The following SAMMSON variants were observed in gnomAD, a reference collection of about 807,000 sequenced individuals.
SAMMSON encodes the protein survival associated mitochondrial melanoma specific oncogenic non-coding RNA.
intron 4 of SAMMSON, among the ~76,000 whole-genome samples, chr3:70,163,412 C>G (rs1038631453): frequency 2.0e-5 from 3 of 150,476 alleles, no homozygotes; most frequent in Admixed American, 6.7e-5. Context: ...CAATATGCAT[C>G]TTAATTTTAA....
intron 4 of SAMMSON, among the ~76,000 whole-genome samples, chr3:70,190,525 C>A (rs375175999): frequency 1.3e-5 from 2 of 152,234 alleles, no homozygotes; most frequent in African/African-American, 4.8e-5. Flanking sequence ...ACCTGGCCAC[C>A]TAATTGGTCT....
intron 6 of SAMMSON, among the ~76,000 whole-genome samples, chr3:70,265,911 G>A (rs1168170223): frequency 1.3e-5 from 2 of 152,076 alleles, no homozygotes; most frequent in African/African-American, 4.8e-5. Flanking sequence ...CGGCATGGGG[G>A]AAGCCATATC....
intron 4 of SAMMSON, among the ~76,000 whole-genome samples, chr3:70,085,827 A>G (rs2067283422): frequency 6.6e-6 from 1 of 152,192 alleles, no homozygotes; most frequent in African/African-American, 2.4e-5. Flanking sequence ...CTAGTGTGAG[A>G]CACAGAGCAA....
intron 9 of SAMMSON, among the ~76,000 whole-genome samples, chr3:70,362,320 AT>A (rs1460823875): frequency 6.6e-6 from 1 of 152,172 alleles, no homozygotes; most frequent in Non-Finnish European, 1.5e-5. Flanking sequence ...AGATGTTTGA[AT>A]TTCTCAACAG....
chr3:70,416,358 ATTG>A (rs1180172853), intron 2 of SAMMSON, among the ~76,000 whole-genome samples: 1 of 152,120 alleles, frequency 6.6e-6, no homozygotes, highest in Non-Finnish European at 1.5e-5. Flanking sequence ...TGTTTAATGC[ATTG>A]TCTTGTCTGC....
At chr3:70,403,294 G>C (rs1308709384) in intron 2 of SAMMSON, among the ~76,000 whole-genome samples, 1 of 152,088 alleles carries the variant, frequency 6.6e-6, no homozygotes, top group Non-Finnish European at 1.5e-5. Context: ...TTTCTGTGAG[G>C]AGACAAAACA....
chr3:70,388,046 C>T (rs80269880), intron 9 of SAMMSON, among the ~76,000 whole-genome samples: 3,278 of 152,132 alleles, frequency 0.022, 116 homozygotes, highest in African/African-American at 0.073. Context: ...ATGTGATGAA[C>T]GCTTTTTTGA....
chr3:70,376,815 C>A (rs1703020789), intron 9 of SAMMSON, among the ~76,000 whole-genome samples: 1 of 151,978 alleles, frequency 6.6e-6, no homozygotes, highest in African/African-American at 2.4e-5. Context: ...AAAATATTTC[C>A]TTTTGGTCTT....
At chr3:70,352,811 A>G (rs191336934) in intron 7 of SAMMSON, among the ~76,000 whole-genome samples, 2 of 152,126 alleles carry the variant, frequency 1.3e-5, no homozygotes, top group East Asian at 3.8e-4. Flanking sequence ...TTTGAAAAGA[A>G]TGAGTTTACC....
chr3:70,244,301 C>T (rs1223082578), intron 4 of SAMMSON, among the ~76,000 whole-genome samples: 2 of 152,228 alleles, frequency 1.3e-5, no homozygotes, highest in Non-Finnish European at 2.9e-5. Flanking sequence ...CTGCCGACCA[C>T]TGCAGTGTAG....
chr3:70,288,135 T>C (rs1702188048), intron 6 of SAMMSON, among the ~76,000 whole-genome samples: 1 of 145,674 alleles, frequency 6.9e-6, no homozygotes, highest in South Asian at 2.3e-4. Context: ...TTTCTAGTTC[T>C]TTTAATTGTG....
chr3:70,350,513 A>G (rs939366786), intron 7 of SAMMSON, among the ~76,000 whole-genome samples: 1 of 152,094 alleles, frequency 6.6e-6, no homozygotes, highest in African/African-American at 2.4e-5. Flanking sequence ...ATACAATTAG[A>G]TAAGATTTTC....
At chr3:70,374,463 T>G (rs970034513) in intron 9 of SAMMSON, among the ~76,000 whole-genome samples, 7 of 152,078 alleles carry the variant, frequency 4.6e-5, no homozygotes, top group Non-Finnish European at 8.8e-5. Context: ...TATTGCTAGG[T>G]GGGGATAGAA....
intron 7 of SAMMSON, among the ~76,000 whole-genome samples, chr3:70,311,208 G>A (rs763734729): frequency 2.6e-5 from 4 of 152,102 alleles, no homozygotes; most frequent in Non-Finnish European, 4.4e-5. Flanking sequence ...TGAAAAAGAC[G>A]CAGCATACCT....
At chr3:70,088,766 A>G (rs1023192708) in intron 4 of SAMMSON, among the ~76,000 whole-genome samples, 6 of 152,194 alleles carry the variant, frequency 3.9e-5, no homozygotes, top group Admixed American at 2.6e-4. Flanking sequence ...AGTCAAAGGT[A>G]TTATAGTAGT....
At chr3:70,322,628 T>G (rs1474816301) in intron 7 of SAMMSON, among the ~76,000 whole-genome samples, 2 of 152,200 alleles carry the variant, frequency 1.3e-5, no homozygotes, top group Non-Finnish European at 2.9e-5. Flanking sequence ...TTAAATAGAT[T>G]GAACTTCAAA....
At chr3:70,419,285 A>G (rs1031477705) in intron 2 of SAMMSON, among the ~76,000 whole-genome samples, 1 of 151,870 alleles carries the variant, frequency 6.6e-6, no homozygotes, top group African/African-American at 2.4e-5. Context: ...CACCCGCCTC[A>G]GCCTGCCAAA....
chr3:70,283,934 A>C (rs1442138739), intron 6 of SAMMSON: 1 of 152,132 alleles, frequency 6.6e-6, no homozygotes, highest in African/African-American at 2.4e-5. Flanking sequence ...TCTTAAGATT[A>C]TTAACTCTGC....
rs185526951 is a variant in SAMMSON, at chr3:70,415,661, C to G, written n.234-46899C>G. Among the ~76,000 whole-genome samples the G allele has an allele frequency of 8.5e-5, 13 of 152,222 alleles. No homozygotes were observed. The East Asian group carries it at 2.5e-3, about 29-fold the overall frequency. On this transcript the variant is annotated intron_variant and non_coding_transcript_variant, in intron 2 of 3. Coordinates refer to the SAMMSON transcript ENST00000641053. ...AACAATTGTCAGGTGAGGTCAATCT[C>G]CTAATCAAATTTCAAATTTTCTTTA...
Sources: allele counts gnomAD v4.1 joint callset (sites outside exome capture counted in the v4.1 genomes callset), GRCh38; gene constraint gnomAD v4.1.1; transcripts MANE v1.5; gene names NCBI Gene and HGNC (gene_info 2026-07-23, HGNC 2026-07-21).